The following LMCD1 variants were observed in gnomAD, a reference collection of about 807,000 sequenced individuals.
LMCD1 encodes the protein LIM and cysteine rich domains 1.
A neutral mutation model predicts 42.7 loss-of-function variants in LMCD1; 32 were observed. The observed-to-expected ratio is 0.75, with a 90% confidence interval of 0.57 to 1.01. The LOEUF (loss-of-function observed/expected upper bound fraction) is 1.01. Ranked by LOEUF, LMCD1 falls within the 50% of genes least tolerant of loss-of-function variation. LMCD1 has a pLI of 0.00. For missense variants in LMCD1, 458 were observed against 483.1 expected, an observed-to-expected ratio of 0.95 and a Z score of 0.49; for synonymous variants, 178 against 184.9, an observed-to-expected ratio of 0.96 and a Z score of 0.30.
chr3:8,548,639 C>A lies in LMCD1; in HGVS notation c.459C>A (p.Arg153=). 1.9e-6 allele frequency: 3 copies of A among 1,614,216 alleles called. No individual in the cohort carries two copies. The highest frequency in any genetic ancestry group is 2.5e-6 in the Non-Finnish European group (3 of 1,180,036). The part of the protein sequence containing the change: ...PVTGTEGAFY[R]RRQLMHQLPI... ...CAGGCACAGAGGGTGCCTTTTACCG[C>A]CGCCGCCAGCTCATGCACCAGCTCC... is the stretch of plus-strand genomic sequence containing the variant. The change falls in exon 4 of 6, where the codon CGC becomes CGA. Residue 153 remains arginine (R), a synonymous_variant. Transcript: ENST00000157600.
At chr3:8,535,097 G>C (rs1372739003) in intron 2 of LMCD1, among the ~76,000 whole-genome samples, 2 of 152,134 alleles carry the variant, frequency 1.3e-5, no homozygotes, top group African/African-American at 4.8e-5. Context: ...TGAAGAGTCA[G>C]GTTCCTCCAT....
At chr3:8,561,580 T>TG (rs1695038533) in intron 4 of LMCD1, among the ~76,000 whole-genome samples, 1 of 152,232 alleles carries the variant, frequency 6.6e-6, no homozygotes. Context: ...GTCCACATGA[T>TG]GGAGTAGAAA....
chr3:8,564,679 G>A lies in LMCD1; in HGVS notation c.724-753G>A, dbSNP rs1695097044. On this transcript the variant is annotated intron_variant, in intron 4 of 5. Transcript: ENST00000157600. ...GGTTTTAATGTAAACAAATATGAAA[G>A]GTTCACTGATGTGCTTTCAGATTTC... 2.6e-5 allele frequency among the ~76,000 whole-genome samples: 4 copies of A among 152,282 alleles called. No homozygotes were observed. In the South Asian group the frequency reaches 8.3e-4, roughly 32 times the overall value.
Position 8,568,521 on chromosome 3 carries a change from G to A in LMCD1, c.*923G>A, listed in dbSNP as rs1559359789. On this transcript the variant is annotated 3_prime_UTR_variant, in exon 6 of 6. Transcript: ENST00000157600. ...TGCCACATGGGATGTGGTGACTAAT[G>A]TGGGCAGATCTTTAAAAATACAGCA... is the stretch of plus-strand genomic sequence containing the variant. The A allele has an allele frequency of 6.6e-6, 1 of 152,228 alleles. No homozygotes were observed. The highest frequency in any genetic ancestry group is 2.4e-5 in the African/African-American group (1 of 41,456). 9.4% of individuals were successfully genotyped at this position (152,228 alleles called of 1,614,324 possible). A position where few individuals can be genotyped will look rare whatever the true frequency, so the allele number is the denominator to read the frequency against.
At chr3:8,517,306 G>A (rs1322603539) in intron 1 of LMCD1, among the ~76,000 whole-genome samples, 1 of 152,196 alleles carries the variant, frequency 6.6e-6, no homozygotes, top group Admixed American at 6.5e-5. Flanking sequence ...CAAGTTGTGT[G>A]TATAATGTGT....
chr3:8,523,977 G>C (rs1233200071), intron 1 of LMCD1, among the ~76,000 whole-genome samples: 1 of 152,148 alleles, frequency 6.6e-6, no homozygotes, highest in African/African-American at 2.4e-5. Flanking sequence ...CCATTACTCT[G>C]TTAAGATTGT....
chr3:8,543,172 C>T (rs922751862), intron 3 of LMCD1, among the ~76,000 whole-genome samples: 8 of 152,144 alleles, frequency 5.3e-5, no homozygotes, highest in African/African-American at 1.4e-4. Context: ...AGGAAGGGGA[C>T]GGTGTGAGCA....
chr3:8,502,297 T>A (rs372671681), intron 1 of LMCD1, among the ~76,000 whole-genome samples: 1 of 8,960 alleles, frequency 1.1e-4, no homozygotes, highest in Non-Finnish European at 2.0e-4. Context: ...TAATATATAT[T>A]ATATATAATA....
At chr3:8,544,891 G>A (rs1246095512) in intron 3 of LMCD1, among the ~76,000 whole-genome samples, 3 of 152,160 alleles carry the variant, frequency 2.0e-5, no homozygotes, top group African/African-American at 7.2e-5. Context: ...TCCAGGATGA[G>A]CAATTTGCCT....
chr3:8,565,530 G>T lies in LMCD1; in HGVS notation c.822G>T (p.Val274=). Residue 274 remains valine, a synonymous_variant, in exon 5 of 6, where the codon GTG becomes GTT. Coordinates refer to ENST00000157600, the MANE Select transcript of LMCD1 (RefSeq NM_014583.4). ...YNKQWHPTCF[V]CAKCSEPLVD... ...AGCAGTGGCACCCCACCTGCTTTGTGTGTGCCAAGTGCTCCGAGCCGCTGG... is the reference window on the plus strand; with the variant it reads ...AGCAGTGGCACCCCACCTGCTTTGTTTGTGCCAAGTGCTCCGAGCCGCTGG... 6.2e-7 allele frequency: 1 copy of T among 1,614,224 alleles called. No homozygotes were observed. Among genetic ancestry groups the T allele is most frequent in the Non-Finnish European group, 8.5e-7 (1 of 1,180,038 alleles).
intron 3 of LMCD1, among the ~76,000 whole-genome samples, chr3:8,543,496 T>C (rs147104613): frequency 7.5e-4 from 114 of 151,742 alleles, no homozygotes; most frequent in African/African-American, 2.3e-3. Flanking sequence ...GACAGACAGA[T>C]AGATAGATAG....
chr3:8,555,752 A>G (rs1321397522), intron 4 of LMCD1, among the ~76,000 whole-genome samples: 4 of 104,400 alleles, frequency 3.8e-5, no homozygotes, highest in Admixed American at 1.3e-4. Flanking sequence ...AGTGGGCTGC[A>G]TATTATTCCA....
At chr3:8,516,236 T>C (rs1330490712) in intron 1 of LMCD1, among the ~76,000 whole-genome samples, 1 of 152,138 alleles carries the variant, frequency 6.6e-6, no homozygotes, top group African/African-American at 2.4e-5. Context: ...GCGGTTGGCC[T>C]GGATCACGGA....
At chr3:8,550,344 C>A (rs746146139) in intron 4 of LMCD1, 2 of 993,168 alleles carry the variant, frequency 2.0e-6, no homozygotes, top group Non-Finnish European at 2.4e-6. Flanking sequence ...TCCCAGCACA[C>A]GAGATCCCCA....
At chr3:8,523,168 C>A (rs1216676098) in intron 1 of LMCD1, among the ~76,000 whole-genome samples, 1 of 152,208 alleles carries the variant, frequency 6.6e-6, no homozygotes, top group East Asian at 1.9e-4. Context: ...AGTACTAGAT[C>A]AGTAGGGCTC....
At chr3:8,505,157 G>A (rs1297130169) in intron 1 of LMCD1, among the ~76,000 whole-genome samples, 2 of 152,230 alleles carry the variant, frequency 1.3e-5, no homozygotes, top group Non-Finnish European at 2.9e-5. Context: ...GATGCGGAAA[G>A]GAATTTTCTG....
chr3:8,572,631 T>G lies in LMCD1; in HGVS notation c.*5033T>G, dbSNP rs2125043948. The G allele has an allele frequency of 6.6e-6, 1 of 152,348 alleles. No homozygotes were observed. The highest frequency in any genetic ancestry group is 1.9e-4 in the East Asian group (1 of 5,192). 9.4% of individuals were successfully genotyped at this position (152,348 alleles called of 1,614,324 possible). A position where few individuals can be genotyped will look rare whatever the true frequency, so the allele number is the denominator to read the frequency against. ...CTCCCCATTTATTAATTCACATATTTACATCAGCTTGGAGTTATTGATTTC... is the reference window on the plus strand; with the variant it reads ...CTCCCCATTTATTAATTCACATATTGACATCAGCTTGGAGTTATTGATTTC... On this transcript the variant is annotated 3_prime_UTR_variant, in exon 6 of 6. Coordinates refer to ENST00000157600, the MANE Select transcript of LMCD1 (RefSeq NM_014583.4).
intron 1 of LMCD1, among the ~76,000 whole-genome samples, chr3:8,514,083 T>G (rs1314268809): frequency 6.6e-6 from 1 of 152,028 alleles, no homozygotes; most frequent in Non-Finnish European, 1.5e-5. Flanking sequence ...TTTGTGTATA[T>G]AGATAGATGA....
rs1695201579 is a variant in LMCD1, at chr3:8,570,806, T to TC, written c.*3209dup. ...AAATTGAAACTGTTTTACCTTGCAG[T>TC]CGAGTTTCTTATTTTTCCTGCCCCA... On this transcript the variant is annotated 3_prime_UTR_variant, in exon 6 of 6. Coordinates refer to ENST00000157600, the MANE Select transcript of LMCD1 (RefSeq NM_014583.4). 6.6e-6 allele frequency: 1 copy of TC among 152,174 alleles called. No individual in the cohort carries two copies. Among genetic ancestry groups the TC allele is most frequent in the Non-Finnish European group, 1.5e-5 (1 of 68,036 alleles). 9.4% of individuals were successfully genotyped at this position (152,174 alleles called of 1,614,324 possible).
Sources: allele counts gnomAD v4.1 joint callset (sites outside exome capture counted in the v4.1 genomes callset), GRCh38; gene constraint gnomAD v4.1.1; transcripts MANE v1.5; gene names NCBI Gene and HGNC (gene_info 2026-07-23, HGNC 2026-07-21).